Variants in NRXN1 observed in about 807,000 individuals in gnomAD.
NRXN1 encodes neurexin 1.
NRXN1 carries 39 observed loss-of-function variants against 150.9 expected under a neutral mutation model. That is an observed-to-expected ratio of 0.26 (90% CI 0.20 to 0.34). The LOEUF is 0.34. NRXN1 is among the 10% of genes least tolerant of loss of function. NRXN1 has a pLI of 1.00. For synonymous variants in NRXN1, 924 were observed against 757.0 expected, an observed-to-expected ratio of 1.22 and a Z score of -3.62; for missense variants, 1,815 against 1,949.9, an observed-to-expected ratio of 0.93 and a Z score of 1.30.
intron 17 of NRXN1, among the ~76,000 whole-genome samples, chr2:50,414,368 A>AC (rs397944497): frequency 2.0e-5 from 3 of 151,994 alleles, no homozygotes; most frequent in Non-Finnish European, 4.4e-5. Context: ...TGACAAAAAA[A>AC]TTATAAAAAC....
At chr2:50,324,178 G>C (rs148872199) in intron 17 of NRXN1, among the ~76,000 whole-genome samples, 166 of 152,312 alleles carry the variant, frequency 1.1e-3, no homozygotes, top group African/African-American at 3.9e-3. Context: ...GGACTAGTGA[G>C]AAAGCTACTG....
chr2:49,927,038 C>A (rs148471223), intron 22 of NRXN1, among the ~76,000 whole-genome samples: 36 of 152,276 alleles, frequency 2.4e-4, no homozygotes, highest in African/African-American at 7.7e-4. Flanking sequence ...CCCTCCCCAC[C>A]CCCAGGTAAA....
At chr2:50,952,022 A>G (rs1691452545) in intron 2 of NRXN1, among the ~76,000 whole-genome samples, 2 of 127,410 alleles carry the variant, frequency 1.6e-5, no homozygotes, top group Non-Finnish European at 3.1e-5. Flanking sequence ...GCTGGAGTGC[A>G]GTGGCGGGAT....
chr2:50,524,572 T>C (rs1181603640), intron 12 of NRXN1, among the ~76,000 whole-genome samples: 2 of 151,844 alleles, frequency 1.3e-5, no homozygotes, highest in Admixed American at 1.3e-4. Flanking sequence ...AAGAAGGTCA[T>C]TCCGTAATTA....
At chr2:50,316,537 C>A (rs1003381353) in intron 17 of NRXN1, among the ~76,000 whole-genome samples, 1 of 152,002 alleles carries the variant, frequency 6.6e-6, no homozygotes, top group African/African-American at 2.4e-5. Flanking sequence ...CTGTGAGAAT[C>A]TCCTTAGGAT....
intron 3 of NRXN1, among the ~76,000 whole-genome samples, chr2:50,924,181 T>C (rs1686511695): frequency 6.6e-6 from 1 of 151,818 alleles, no homozygotes; most frequent in African/African-American, 2.4e-5. Context: ...ATCTACCTTT[T>C]AGAAAATATA....
At chr2:50,813,487 A>T (rs551956031) in intron 5 of NRXN1, among the ~76,000 whole-genome samples, 225 of 152,264 alleles carry the variant, frequency 1.5e-3, no homozygotes, top group African/African-American at 5.2e-3. Context: ...AGTGCCTTTT[A>T]TAAGTAAAAA....
intron 5 of NRXN1, among the ~76,000 whole-genome samples, chr2:50,862,892 T>A (rs1180302349): frequency 6.6e-6 from 1 of 152,050 alleles, no homozygotes; most frequent in Non-Finnish European, 1.5e-5. Flanking sequence ...TGGAAATTCC[T>A]ACTTGTAAGG....
At chr2:50,527,400 C>T (rs549167456) in intron 12 of NRXN1, among the ~76,000 whole-genome samples, 10 of 152,200 alleles carry the variant, frequency 6.6e-5, no homozygotes, top group African/African-American at 1.4e-4. Context: ...TGAAAAATTC[C>T]GCTTACGTGA....
intron 5 of NRXN1, among the ~76,000 whole-genome samples, chr2:50,890,818 A>G (rs1680934160): frequency 6.6e-6 from 1 of 151,946 alleles, no homozygotes; most frequent in Non-Finnish European, 1.5e-5. Context: ...ACTGTAGTGA[A>G]ACAACTGTAT....
At chr2:50,047,813 T>C (rs549605663) in intron 21 of NRXN1, among the ~76,000 whole-genome samples, 8 of 152,180 alleles carry the variant, frequency 5.3e-5, no homozygotes, top group African/African-American at 1.4e-4. Context: ...TGCAGAAAAG[T>C]CTAATTTTGA....
chr2:50,391,658 C>G (rs10191195), intron 17 of NRXN1, among the ~76,000 whole-genome samples: 33,127 of 151,912 alleles, frequency 0.22, 4,095 homozygotes, highest in East Asian at 0.43. Context: ...TTCCAATGTA[C>G]TAATAAGATA....
chr2:50,305,200 T>A (rs980439603), intron 17 of NRXN1, among the ~76,000 whole-genome samples: 3 of 152,156 alleles, frequency 2.0e-5, no homozygotes, highest in Non-Finnish European at 2.9e-5. Flanking sequence ...AAAAAATGAT[T>A]TTACAGACTC....
chr2:50,711,830 T>G (rs1695203012), intron 5 of NRXN1, among the ~76,000 whole-genome samples: 1 of 152,128 alleles, frequency 6.6e-6, no homozygotes, highest in Admixed American at 6.5e-5. Context: ...GTGGTTTCTC[T>G]CTTTTTTGCT....
chr2:50,000,799 G>T (rs1208665615), intron 21 of NRXN1, among the ~76,000 whole-genome samples: 13 of 152,096 alleles, frequency 8.5e-5, no homozygotes, highest in Admixed American at 8.5e-4. Context: ...GATCAGCTGA[G>T]AAATCTGAGC....
intron 2 of NRXN1, among the ~76,000 whole-genome samples, chr2:50,973,149 A>T (rs1695281820): frequency 6.6e-6 from 1 of 152,200 alleles, no homozygotes; most frequent in Non-Finnish European, 1.5e-5. Context: ...TTATACCAGG[A>T]GCAATGACTT....
At chr2:50,587,045 T>A (rs1319159023) in intron 8 of NRXN1, among the ~76,000 whole-genome samples, 1 of 114,520 alleles carries the variant, frequency 8.7e-6, no homozygotes, top group Non-Finnish European at 2.0e-5. Flanking sequence ...AATCCTGAGT[T>A]CCAATGCAAT....
At chr2:50,816,302 A>T (rs1184938173) in intron 5 of NRXN1, among the ~76,000 whole-genome samples, 1 of 152,132 alleles carries the variant, frequency 6.6e-6, no homozygotes, top group African/African-American at 2.4e-5. Flanking sequence ...TGGATATCAT[A>T]GCACAGTCTA....
At chr2:50,460,122 T>C (rs1291171880) in intron 17 of NRXN1, among the ~76,000 whole-genome samples, 3 of 152,084 alleles carry the variant, frequency 2.0e-5, no homozygotes, top group African/African-American at 7.2e-5. Context: ...TTAGCTGGGC[T>C]CTGGTGAGAT....
Sources: allele counts gnomAD v4.1 joint callset (sites outside exome capture counted in the v4.1 genomes callset), GRCh38; gene constraint gnomAD v4.1.1; transcripts MANE v1.5; gene names NCBI Gene and HGNC (gene_info 2026-07-23, HGNC 2026-07-21).